KCNN2: variants seen among roughly 807,000 people sequenced by gnomAD.
The protein encoded by KCNN2 is small conductance calcium-activated potassium channel protein 2.
In KCNN2, 24 loss-of-function variants were observed where a neutral mutation model predicts 55.5. That is an observed-to-expected ratio of 0.43 (90% CI 0.31 to 0.61). The LOEUF (loss-of-function observed/expected upper bound fraction) is 0.61, where lower values mean the gene tolerates loss of function less well. Among genes scored for constraint, KCNN2 ranks in the 20% least tolerant of loss-of-function variants. The pLI, the probability that KCNN2 is intolerant of heterozygous loss-of-function variation, is 0.08. For synonymous variants in KCNN2, 431 were observed against 336.1 expected (o/e 1.28, Z -3.09); for missense variants, 754 against 853.6 (o/e 0.88, Z 1.45).
At chr5:114,404,885 A>C (rs1189318132) in intron 3 of KCNN2, 29 bp downstream of exon 3, 6 of 1,572,838 alleles carry the variant, frequency 3.8e-6, no homozygotes, top group Non-Finnish European at 5.2e-6. Context: ...CTGAGAACAT[A>C]ATTTACCATG....
At chr5:114,243,314 C>T (rs1268411602) in intron 2 of KCNN2, among the ~76,000 whole-genome samples, 1 of 152,126 alleles carries the variant, frequency 6.6e-6, no homozygotes, top group Non-Finnish European at 1.5e-5. Flanking sequence ...CTCAGTTTTG[C>T]TTTCTGTAGT....
chr5:114,336,334 A>G (rs1756924830), intron 2 of KCNN2, among the ~76,000 whole-genome samples: 1 of 152,226 alleles, frequency 6.6e-6, no homozygotes, highest in African/African-American at 2.4e-5. Flanking sequence ...AAGTGAAATG[A>G]TATCTAGGTT....
intron 6 of KCNN2, among the ~76,000 whole-genome samples, chr5:114,488,196 T>C (rs1398244857): frequency 6.6e-6 from 1 of 152,162 alleles, no homozygotes; most frequent in African/African-American, 2.4e-5. Context: ...AAATGTAGAA[T>C]ATGTAATTCT....
At chr5:114,198,443 T>C (rs1263790781) in intron 1 of KCNN2, among the ~76,000 whole-genome samples, 1 of 132,834 alleles carries the variant, frequency 7.5e-6, no homozygotes, top group African/African-American at 2.8e-5. Context: ...TATATATATG[T>C]GTTTACATAT....
intron 1 of KCNN2, among the ~76,000 whole-genome samples, chr5:114,113,541 T>C (rs1326518360): frequency 6.6e-6 from 1 of 152,062 alleles, no homozygotes; most frequent in Non-Finnish European, 1.5e-5. Context: ...TATCTGACGT[T>C]AGCTTTTCTT....
At chr5:114,472,663 G>C (rs1761803341) in intron 4 of KCNN2, among the ~76,000 whole-genome samples, 1 of 152,084 alleles carries the variant, frequency 6.6e-6, no homozygotes, top group African/African-American at 2.4e-5. Flanking sequence ...ATTCTGTATG[G>C]AAAAATCCTT....
At chr5:114,257,501 C>T (rs1469417996) in intron 2 of KCNN2, among the ~76,000 whole-genome samples, 1 of 151,762 alleles carries the variant, frequency 6.6e-6, no homozygotes, top group African/African-American at 2.4e-5. Context: ...GGATGTTTTC[C>T]CATTTGTTTG....
intron 2 of KCNN2, among the ~76,000 whole-genome samples, chr5:114,263,920 C>T (rs1427346710): frequency 2.0e-5 from 3 of 152,098 alleles, no homozygotes; most frequent in African/African-American, 7.2e-5. Flanking sequence ...ATTAAGACAC[C>T]CTTATTCATC....
At chr5:114,068,120 C>G (rs1003804780) in intron 1 of KCNN2, among the ~76,000 whole-genome samples, 2 of 152,146 alleles carry the variant, frequency 1.3e-5, no homozygotes, top group Non-Finnish European at 2.9e-5. Flanking sequence ...CATTTAACCT[C>G]CTATAACTAG....
At chr5:114,230,150 AAC>A (rs1408171440) in intron 2 of KCNN2, among the ~76,000 whole-genome samples, 2 of 152,180 alleles carry the variant, frequency 1.3e-5, no homozygotes, top group Non-Finnish European at 2.9e-5. Flanking sequence ...ATTTATTTAT[AAC>A]ACAGGATTAT....
intron 1 of KCNN2, among the ~76,000 whole-genome samples, chr5:114,158,483 C>T (rs1306697357): frequency 2.0e-5 from 3 of 152,040 alleles, no homozygotes; most frequent in African/African-American, 7.2e-5. Flanking sequence ...CTTGGCAATG[C>T]AGGCTCTTTT....
At chr5:114,148,634 G>A (rs1313034767) in intron 1 of KCNN2, among the ~76,000 whole-genome samples, 1 of 152,096 alleles carries the variant, frequency 6.6e-6, no homozygotes, top group Non-Finnish European at 1.5e-5. Context: ...AGTTCTAAAA[G>A]GATGAGAGGA....
intron 2 of KCNN2, among the ~76,000 whole-genome samples, chr5:114,232,065 C>G (rs1365922496): frequency 4.6e-5 from 7 of 150,982 alleles, no homozygotes; most frequent in Admixed American, 6.6e-5. Context: ...CTCAAGATAA[C>G]TAATATTGCA....
chr5:114,086,311 A>C (rs192379188), intron 1 of KCNN2, among the ~76,000 whole-genome samples: 2 of 152,002 alleles, frequency 1.3e-5, no homozygotes, highest in Admixed American at 1.3e-4. Flanking sequence ...ATTTGGGGGT[A>C]TATGTGCAGG....
intron 2 of KCNN2, among the ~76,000 whole-genome samples, chr5:114,304,409 G>T (rs1185776924): frequency 6.6e-6 from 1 of 152,162 alleles, no homozygotes; most frequent in East Asian, 1.9e-4. Context: ...TTTTTGCAGT[G>T]CAGTTGATTG....
chr5:114,364,032 C>G, intron 2 of KCNN2, 31 bp downstream of exon 2: 3 of 1,512,810 alleles, frequency 2.0e-6, no homozygotes, highest in Non-Finnish European at 2.8e-6. Flanking sequence ...TATGAATGAC[C>G]CAAAGCCCTA....
chr5:114,377,263 TCTG>T (rs963471047), intron 2 of KCNN2, among the ~76,000 whole-genome samples: 26 of 152,084 alleles, frequency 1.7e-4, no homozygotes, highest in African/African-American at 6.3e-4. Flanking sequence ...CCTGGGAACA[TCTG>T]CTGTGTTTTG....
At chr5:114,092,831 C>T (rs558642580) in intron 1 of KCNN2, among the ~76,000 whole-genome samples, 161 of 152,260 alleles carry the variant, frequency 1.1e-3, no homozygotes, top group African/African-American at 2.6e-3. Context: ...CACCAAATCT[C>T]GAGACCGCAC....
chr5:114,107,242 AAC>A (rs1751506451), intron 1 of KCNN2, among the ~76,000 whole-genome samples: 1 of 152,074 alleles, frequency 6.6e-6, no homozygotes, highest in Non-Finnish European at 1.5e-5. Flanking sequence ...ATTTTGTTCC[AAC>A]AGTCTATTTG....
Sources: allele counts gnomAD v4.1 joint callset (sites outside exome capture counted in the v4.1 genomes callset), GRCh38; gene constraint gnomAD v4.1.1; transcripts MANE v1.5; gene names NCBI Gene and HGNC (gene_info 2026-07-23, HGNC 2026-07-21).